The following PHF14 variants were observed in gnomAD, a reference collection of about 807,000 sequenced individuals.
The protein encoded by PHF14 is PHD finger protein 14.
Under a neutral mutation model 117.9 loss-of-function variants are expected in PHF14, and 55 were observed. The ratio of observed to expected loss-of-function variants is 0.47; its 90% CI spans 0.38 to 0.58. The LOEUF is 0.58. Among genes scored for constraint, PHF14 ranks in the 20% least tolerant of loss-of-function variants. The pLI is 0.00. For missense variants in PHF14, 978 were observed against 1,122.2 expected, an observed-to-expected ratio of 0.87 and a Z score of 1.84; for synonymous variants, 409 against 368.6, an observed-to-expected ratio of 1.11 and a Z score of -1.26.
chr7:11,016,929 CCTT>C (rs1783554816), intron 5 of PHF14, among the ~76,000 whole-genome samples: 1 of 152,130 alleles, frequency 6.6e-6, no homozygotes, highest in African/African-American at 2.4e-5. Context: ...TAGTAACCAT[CCTT>C]CTCCTGTCTG....
At chr7:10,981,708 C>A (rs770965311) in intron 2 of PHF14, among the ~76,000 whole-genome samples, 2 of 152,294 alleles carry the variant, frequency 1.3e-5, no homozygotes, top group African/African-American at 2.4e-5. Flanking sequence ...TTGATACGAA[C>A]AGTATCCTAA....
chr7:11,038,033 G>A lies in PHF14; in HGVS notation c.1981-727G>A, dbSNP rs188809503. Among the ~76,000 whole-genome samples the A allele has an allele frequency of 2.4e-3, 364 of 152,182 alleles. 1 individual carries two copies. The highest frequency in any genetic ancestry group is 5.6e-3 in the African/African-American group (234 of 41,522). On this transcript the variant is annotated intron_variant, in intron 10 of 17. Coordinates refer to ENST00000634607, the MANE Select transcript of PHF14 (RefSeq NM_001007157.2). Reference sequence around the variant, plus strand: ...GTTACCATTATTAGTAAAAATGCCAGCAGAAAACAAAATGCTTACAGCAAC... The same window carrying A: ...GTTACCATTATTAGTAAAAATGCCAACAGAAAACAAAATGCTTACAGCAAC...
Position 10,974,259 on chromosome 7 carries a change from G to T in PHF14, c.-65G>T. On this transcript the variant is annotated 5_prime_UTR_variant, in exon 1 of 18. Coordinates refer to ENST00000634607, the MANE Select transcript of PHF14 (RefSeq NM_001007157.2). The stretch of plus-strand genomic sequence containing the variant: ...TTCGCGGCCCCAGTCCCCGACCTCG[G>T]CGCTGCCTGGGCTCCTGCAGCCTCT... The T allele has an allele frequency of 6.8e-7, 1 of 1,464,676 alleles. No homozygotes were observed. 90.7% of individuals were successfully genotyped at this position (1,464,676 alleles called of 1,614,324 possible).
At chr7:11,087,037 C>T (rs1191575678) in intron 16 of PHF14, among the ~76,000 whole-genome samples, 1 of 151,986 alleles carries the variant, frequency 6.6e-6, no homozygotes, top group Non-Finnish European at 1.5e-5. Flanking sequence ...CATCTTAATC[C>T]AGTTTTGGGT....
chr7:11,056,488 TAAATTAGATAA>T (rs1785024935), intron 14 of PHF14, among the ~76,000 whole-genome samples: 1 of 152,028 alleles, frequency 6.6e-6, no homozygotes, highest in Non-Finnish European at 1.5e-5. Context: ...TAACATAAGC[TAAATTAGATAA>T]AAAGAAACTC....
intron 17 of PHF14, among the ~76,000 whole-genome samples, chr7:11,112,178 A>G (rs1484060951): frequency 6.6e-6 from 1 of 152,206 alleles, no homozygotes; most frequent in Non-Finnish European, 1.5e-5. Flanking sequence ...GAATGAAGAC[A>G]TTCTGGTCAA....
At chr7:11,031,535 T>C (rs530520895) in intron 7 of PHF14, among the ~76,000 whole-genome samples, 16 of 151,428 alleles carry the variant, frequency 1.1e-4, no homozygotes, top group African/African-American at 3.9e-4. Context: ...AGAGGATTGC[T>C]TGAGGCCAGG....
At chr7:11,116,409 G>C (rs1173511931) in intron 17 of PHF14, among the ~76,000 whole-genome samples, 1 of 152,116 alleles carries the variant, frequency 6.6e-6, no homozygotes, top group Non-Finnish European at 1.5e-5. Context: ...CCAAGGACTG[G>C]ATGTAGGTAT....
At chr7:10,978,022 C>G (rs1042841574) in intron 2 of PHF14, among the ~76,000 whole-genome samples, 1 of 152,134 alleles carries the variant, frequency 6.6e-6, no homozygotes, top group Non-Finnish European at 1.5e-5. Context: ...TGCTCTCTAC[C>G]CCTATCCCCC....
intron 17 of PHF14, among the ~76,000 whole-genome samples, chr7:11,160,219 G>T (rs1432234335): frequency 6.6e-6 from 1 of 152,064 alleles, no homozygotes; most frequent in Non-Finnish European, 1.5e-5. Flanking sequence ...CATCCATGTT[G>T]CTGCAAAGGA....
intron 13 of PHF14, among the ~76,000 whole-genome samples, chr7:11,046,098 C>A (rs974017362): frequency 2.0e-5 from 3 of 152,154 alleles, no homozygotes; most frequent in Admixed American, 2.0e-4. Context: ...ATGGTGTGAT[C>A]TAGGTTCTAT....
At chr7:11,002,878 G>T (rs943416450) in intron 4 of PHF14, among the ~76,000 whole-genome samples, 1 of 152,210 alleles carries the variant, frequency 6.6e-6, no homozygotes, top group Admixed American at 6.5e-5. Context: ...GCAGATGGAA[G>T]CTTGGGTAGT....
At chr7:11,006,650 A>G (rs1783114003) in intron 4 of PHF14, 8 of 613,700 alleles carry the variant, frequency 1.3e-5, no homozygotes, top group South Asian at 1.1e-4. Context: ...TGATGATGGT[A>G]TAGTAGTCAA....
chr7:11,084,333 G>GT (rs1270272339), intron 16 of PHF14, among the ~76,000 whole-genome samples: 1 of 152,122 alleles, frequency 6.6e-6, no homozygotes, highest in Non-Finnish European at 1.5e-5. Context: ...AGGACCAAGT[G>GT]TTATTTTCTT....
intron 3 of PHF14, among the ~76,000 whole-genome samples, chr7:10,985,641 T>G (rs1460083802): frequency 4.5e-5 from 4 of 89,452 alleles, no homozygotes; most frequent in African/African-American, 1.4e-4. Context: ...TCAAACTGTT[T>G]TTTTTTTTTT....
Position 10,975,033 on chromosome 7 carries a change from C to G in PHF14, c.112+88C>G, listed in dbSNP as rs558597705. 9.6e-6 allele frequency: 7 copies of G among 729,884 alleles called. No individual in the cohort carries two copies. The Admixed American group carries it at 1.2e-4, about 12-fold the overall frequency. The allele number at this position is 729,884 out of a possible 1,614,324, so 45.2% of individuals were successfully genotyped here. A position where few individuals can be genotyped will look rare whatever the true frequency, so the allele number is the denominator to read the frequency against. On this transcript the variant is annotated intron_variant, in intron 2 of 17. Coordinates refer to ENST00000634607, the MANE Select transcript of PHF14 (RefSeq NM_001007157.2). ...TTTTAAATCGGTTTTGATTAAAATG[C>G]CAATTTTAAGTGAAAGCACGTAAAC...
intron 17 of PHF14, among the ~76,000 whole-genome samples, chr7:11,116,979 T>C (rs1469142602): frequency 1.3e-5 from 2 of 151,992 alleles, no homozygotes; most frequent in African/African-American, 4.8e-5. Context: ...ACATAGCTCA[T>C]GCTTCAGTCT....
At chr7:11,122,418 T>C in intron 17 of PHF14, among the ~76,000 whole-genome samples, 1 of 129,156 alleles carries the variant, frequency 7.7e-6, no homozygotes, top group East Asian at 2.2e-4. Flanking sequence ...TACACGTATA[T>C]ATATATACAC....
intron 14 of PHF14, among the ~76,000 whole-genome samples, chr7:11,056,771 AAT>A (rs1386624848): frequency 6.7e-6 from 1 of 148,864 alleles, no homozygotes; most frequent in East Asian, 1.9e-4. Context: ...TGCTACATAT[AAT>A]ATATGCTATA....
Sources: allele counts gnomAD v4.1 joint callset (sites outside exome capture counted in the v4.1 genomes callset), GRCh38; gene constraint gnomAD v4.1.1; transcripts MANE v1.5; gene names NCBI Gene and HGNC (gene_info 2026-07-23, HGNC 2026-07-21).